TMEM178B: variants seen among roughly 807,000 people sequenced by gnomAD.
The protein encoded by TMEM178B is transmembrane protein 178B.
In TMEM178B, 5 loss-of-function variants were observed where a neutral mutation model predicts 31.0. The ratio of observed to expected loss-of-function variants is 0.16; its 90% CI spans 0.08 to 0.34. The LOEUF (loss-of-function observed/expected upper bound fraction) is 0.34. TMEM178B is among the 10% of genes least tolerant of loss of function. The pLI is 1.00. For missense variants in TMEM178B, 275 were observed against 400.3 expected (o/e 0.69, Z 2.67); for synonymous variants, 164 against 164.0 (o/e 1.00, Z 0.00).
intron 1 of TMEM178B, among the ~76,000 whole-genome samples, chr7:141,204,045 A>G (rs551665662): frequency 6.6e-6 from 1 of 152,334 alleles, no homozygotes; most frequent in South Asian, 2.1e-4. Context: ...TAACCGCAAG[A>G]CTAAATTGTA....
intron 2 of TMEM178B, among the ~76,000 whole-genome samples, chr7:141,435,541 A>C (rs113438447): frequency 5.9e-5 from 9 of 152,274 alleles, no homozygotes; most frequent in African/African-American, 1.9e-4. Flanking sequence ...GCAGGGACTA[A>C]GGTATAGGGC....
intron 2 of TMEM178B, among the ~76,000 whole-genome samples, chr7:141,292,108 C>T (rs1444567240): frequency 6.6e-6 from 1 of 152,208 alleles, no homozygotes; most frequent in Admixed American, 6.5e-5. Flanking sequence ...TACCTACCTC[C>T]TGCCCCATGA....
chr7:141,193,802 G>A (rs1248103817), intron 1 of TMEM178B, among the ~76,000 whole-genome samples: 2 of 152,174 alleles, frequency 1.3e-5, no homozygotes, highest in African/African-American at 4.8e-5. Flanking sequence ...AGTTCCAAGG[G>A]CCCCCTGCAG....
intron 1 of TMEM178B, among the ~76,000 whole-genome samples, chr7:141,076,218 C>A (rs6944492): frequency 0.64 from 97,421 of 152,008 alleles, 32,907 homozygotes; most frequent in East Asian, 0.77. Flanking sequence ...GCTGCCAAGG[C>A]AGGAAAACAA....
At chr7:141,368,248 G>T (rs540678006) in intron 2 of TMEM178B, among the ~76,000 whole-genome samples, 1 of 152,158 alleles carries the variant, frequency 6.6e-6, no homozygotes, top group African/African-American at 2.4e-5. Context: ...GAACCTGGGG[G>T]GTGGAGGTTG....
At chr7:141,413,549 C>G (rs1030699403) in intron 2 of TMEM178B, among the ~76,000 whole-genome samples, 1 of 152,294 alleles carries the variant, frequency 6.6e-6, no homozygotes, top group East Asian at 1.9e-4. Context: ...ATCCTTTTTT[C>G]TGGCATTCTT....
At chr7:141,511,111 A>G in the TMEM178B span, among the ~76,000 whole-genome samples, 1 of 151,540 alleles carries the variant, frequency 6.6e-6, no homozygotes, top group East Asian at 1.9e-4. Flanking sequence ...TGCATTTTTA[A>G]CCCACAGGCT....
intron 2 of TMEM178B, among the ~76,000 whole-genome samples, chr7:141,262,812 T>G (rs1386129008): frequency 6.6e-6 from 1 of 152,166 alleles, no homozygotes; most frequent in African/African-American, 2.4e-5. Context: ...GTCCAGTTTG[T>G]TCCTTCATTT....
intron 1 of TMEM178B, among the ~76,000 whole-genome samples, chr7:141,130,926 A>G (rs775186876): frequency 2.0e-5 from 3 of 152,194 alleles, no homozygotes; most frequent in Non-Finnish European, 4.4e-5. Flanking sequence ...AGCATCTGAA[A>G]TTATGTAATT....
chr7:141,466,929 T>C (rs1476811436), intron 3 of TMEM178B, among the ~76,000 whole-genome samples: 2 of 152,056 alleles, frequency 1.3e-5, no homozygotes, highest in African/African-American at 2.4e-5. Context: ...TGGAATCTGG[T>C]TTATTTGAAA....
chr7:141,267,131 C>T (rs971383376), intron 2 of TMEM178B, among the ~76,000 whole-genome samples: 4 of 152,256 alleles, frequency 2.6e-5, no homozygotes, highest in African/African-American at 7.2e-5. Flanking sequence ...AGCCGATCTA[C>T]AGCTAAAAGC....
intron 1 of TMEM178B, among the ~76,000 whole-genome samples, chr7:141,177,317 TA>T (rs1350213164): frequency 1.3e-5 from 2 of 152,222 alleles, no homozygotes; most frequent in East Asian, 3.8e-4. Flanking sequence ...GACTGTTTGT[TA>T]TGATTTCCGT....
chr7:141,378,954 C>T (rs906469708), intron 2 of TMEM178B, among the ~76,000 whole-genome samples: 1 of 152,156 alleles, frequency 6.6e-6, no homozygotes, highest in East Asian at 1.9e-4. Context: ...AGTTATGTGA[C>T]ATAACAGCAG....
intron 2 of TMEM178B, chr7:141,416,228 C>T (rs1801093371): frequency 2.0e-5 from 3 of 152,750 alleles, no homozygotes. Context: ...CCGTCCTATT[C>T]ATAGACATCG....
intron 2 of TMEM178B, among the ~76,000 whole-genome samples, chr7:141,255,952 G>A (rs2215631): frequency 0.43 from 65,935 of 151,866 alleles, 14,540 homozygotes; most frequent in East Asian, 0.67. Context: ...ATACCTAGGC[G>A]TGAGAGAAAC....
chr7:141,507,606 G>C, the TMEM178B span, among the ~76,000 whole-genome samples: 1 of 152,192 alleles, frequency 6.6e-6, no homozygotes, highest in Non-Finnish European at 1.5e-5. Context: ...CCTGACCTCA[G>C]GTGATCCTCC....
chr7:141,375,476 G>A (rs959953075), intron 2 of TMEM178B, among the ~76,000 whole-genome samples: 25 of 152,302 alleles, frequency 1.6e-4, no homozygotes, highest in African/African-American at 6.0e-4. Context: ...AACCTTTTAT[G>A]ATGCTGATTT....
intron 1 of TMEM178B, among the ~76,000 whole-genome samples, chr7:141,112,051 T>C (rs1288636436): frequency 6.6e-6 from 1 of 152,172 alleles, no homozygotes; most frequent in Non-Finnish European, 1.5e-5. Context: ...TGCTATTTGC[T>C]TATATTTGAT....
At chr7:141,105,764 A>G (rs1320484995) in intron 1 of TMEM178B, among the ~76,000 whole-genome samples, 1 of 152,170 alleles carries the variant, frequency 6.6e-6, no homozygotes, top group Non-Finnish European at 1.5e-5. Context: ...CAAGGTTCAC[A>G]TAATTCAAAA....
Sources: gnomAD v4.1 joint callset for allele counts (sites outside exome capture counted in the v4.1 genomes callset) on GRCh38, gnomAD v4.1.1 for gene constraint, MANE v1.5 for transcripts, NCBI Gene and HGNC (gene_info 2026-07-23, HGNC 2026-07-21) for gene names.